Variants in TYW1 observed in about 807,000 individuals in gnomAD.
The protein encoded by TYW1 is tRNA-yW synthesizing protein 1 homolog.
TYW1 carries 46 observed loss-of-function variants against 96.2 expected under a neutral mutation model. The observed-to-expected ratio is 0.48, with a 90% CI of 0.38 to 0.61. The LOEUF is 0.61. Ranked by LOEUF, TYW1 falls within the 20% of genes least tolerant of loss-of-function variation. TYW1 has a pLI of 0.00. For missense variants in TYW1, 684 were observed against 909.6 expected, an observed-to-expected ratio of 0.75 and a Z score of 3.19; for synonymous variants, 274 against 323.0, an observed-to-expected ratio of 0.85 and a Z score of 1.63.
At chr7:67,152,743 A>G (rs1459327601) in intron 13 of TYW1, among the ~76,000 whole-genome samples, 1 of 152,124 alleles carries the variant, frequency 6.6e-6, no homozygotes, top group Non-Finnish European at 1.5e-5. Context: ...CTGGGACTAC[A>G]GGTGTGGGCC....
intron 13 of TYW1, among the ~76,000 whole-genome samples, chr7:67,166,018 T>A (rs528711170): frequency 2.0e-5 from 3 of 152,084 alleles, no homozygotes; most frequent in Non-Finnish European, 4.4e-5. Context: ...GGTGGGTGGA[T>A]CACTTGAGGC....
At chr7:67,025,589 T>C (rs1040443296) in intron 7 of TYW1, among the ~76,000 whole-genome samples, 7 of 152,110 alleles carry the variant, frequency 4.6e-5, no homozygotes, top group Admixed American at 6.6e-5. Flanking sequence ...CTAAGTGGTG[T>C]TGGGGCTTAA....
intron 9 of TYW1, among the ~76,000 whole-genome samples, chr7:67,059,880 C>G (rs1795641900): frequency 6.6e-6 from 1 of 151,472 alleles, no homozygotes. Flanking sequence ...TCAAGCAATT[C>G]TCCTGCCTCA....
chr7:67,053,691 A>T (rs1795432614), intron 8 of TYW1, among the ~76,000 whole-genome samples: 1 of 152,098 alleles, frequency 6.6e-6, no homozygotes, highest in Non-Finnish European at 1.5e-5. Flanking sequence ...CATTTGGGAT[A>T]GTTTCTATCA....
intron 15 of TYW1, among the ~76,000 whole-genome samples, chr7:67,205,247 G>A (rs1386802765): frequency 1.3e-5 from 2 of 152,130 alleles, no homozygotes; most frequent in Non-Finnish European, 2.9e-5. Flanking sequence ...CCTATTGTAG[G>A]AAGGGTGCCT....
chr7:67,175,438 T>C (rs1343545658), intron 13 of TYW1, among the ~76,000 whole-genome samples: 2 of 152,198 alleles, frequency 1.3e-5, no homozygotes, highest in Non-Finnish European at 2.9e-5. Flanking sequence ...CCCAAAGTGC[T>C]GGGATTACAG....
At chr7:67,222,893 G>A (rs553455210) in intron 15 of TYW1, among the ~76,000 whole-genome samples, 47 of 108,464 alleles carry the variant, frequency 4.3e-4, no homozygotes, top group Admixed American at 2.9e-3. Context: ...TTTGCTATTC[G>A]GACGTGATCA....
intron 13 of TYW1, among the ~76,000 whole-genome samples, chr7:67,117,999 C>G (rs1643886210): frequency 6.6e-6 from 1 of 152,102 alleles, no homozygotes; most frequent in South Asian, 2.1e-4. Context: ...CCCATGGGTA[C>G]CAAAATCCAC....
At chr7:67,009,955 A>G (rs1207474962) in intron 4 of TYW1, among the ~76,000 whole-genome samples, 1 of 144,832 alleles carries the variant, frequency 6.9e-6, no homozygotes, top group Non-Finnish European at 1.5e-5. Flanking sequence ...TTGGAAGTTC[A>G]CTCCTTCCCA....
chr7:67,026,783 G>A (rs1199759446), intron 7 of TYW1, among the ~76,000 whole-genome samples: 1 of 151,622 alleles, frequency 6.6e-6, no homozygotes, highest in Admixed American at 6.6e-5. Context: ...TAAAACTGTA[G>A]TACTGGCTCA....
At chr7:67,123,618 C>T (rs1019600268) in intron 13 of TYW1, among the ~76,000 whole-genome samples, 2 of 128,816 alleles carry the variant, frequency 1.6e-5, no homozygotes, top group Non-Finnish European at 3.4e-5. Context: ...AAAGTCATCT[C>T]TTTAGCAACG....
intron 12 of TYW1, among the ~76,000 whole-genome samples, chr7:67,112,241 T>C (rs533985008): frequency 6.6e-6 from 1 of 152,222 alleles, no homozygotes; most frequent in African/African-American, 2.4e-5. Context: ...GTTTATCCAC[T>C]GTATTTTATG....
intron 15 of TYW1, among the ~76,000 whole-genome samples, chr7:67,205,730 A>G (rs1468938115): frequency 1.3e-5 from 2 of 151,758 alleles, no homozygotes; most frequent in Non-Finnish European, 2.9e-5. Flanking sequence ...ATTGTCTAAA[A>G]ATTTTCTGTC....
At chr7:67,018,676 C>T (rs376638603) in intron 6 of TYW1, among the ~76,000 whole-genome samples, 6 of 151,954 alleles carry the variant, frequency 3.9e-5, no homozygotes, top group East Asian at 2.0e-4. Flanking sequence ...TTCTTTAGGC[C>T]GGGCACGGTG....
chr7:67,091,711 A>C (rs186242894), intron 11 of TYW1, among the ~76,000 whole-genome samples: 184 of 152,298 alleles, frequency 1.2e-3, no homozygotes, highest in African/African-American at 4.2e-3. Flanking sequence ...AAATAAATAG[A>C]AACATGCTCT....
chr7:67,133,209 T>C (rs1056540414), intron 13 of TYW1, among the ~76,000 whole-genome samples: 2 of 152,182 alleles, frequency 1.3e-5, no homozygotes, highest in Admixed American at 1.3e-4. Flanking sequence ...CCATCATGGC[T>C]CACTGCAGTC....
chr7:67,229,350 C>T (rs1367839335), intron 15 of TYW1, among the ~76,000 whole-genome samples: 1 of 151,898 alleles, frequency 6.6e-6, no homozygotes, highest in Non-Finnish European at 1.5e-5. Flanking sequence ...CCAGCCAGGC[C>T]AACGTAGCGA....
intron 13 of TYW1, among the ~76,000 whole-genome samples, chr7:67,144,493 C>T (rs1282045469): frequency 6.6e-6 from 1 of 151,886 alleles, no homozygotes; most frequent in African/African-American, 2.4e-5. Context: ...TTTTTTTGAG[C>T]TGGAGTCTTG....
intron 6 of TYW1, 66 bp downstream of exon 6, chr7:67,018,209 T>C: frequency 1.3e-6 from 2 of 1,554,848 alleles, no homozygotes; most frequent in Non-Finnish European, 1.7e-6. Flanking sequence ...GAGCTTGACC[T>C]CTTTCTCAAT....
Sources: allele counts gnomAD v4.1 joint callset (sites outside exome capture counted in the v4.1 genomes callset), GRCh38; gene constraint gnomAD v4.1.1; transcripts MANE v1.5; gene names NCBI Gene and HGNC (gene_info 2026-07-23, HGNC 2026-07-21).